The following RFTN1 variants were observed in gnomAD, a reference collection of about 807,000 sequenced individuals.
The protein encoded by RFTN1 is raftlin.
RFTN1 carries 26 observed loss-of-function variants against 46.5 expected under a neutral mutation model. That is an observed-to-expected ratio of 0.56 (90% confidence interval 0.41 to 0.78). The LOEUF is 0.78. Among genes scored for constraint, RFTN1 ranks in the 30% least tolerant of loss-of-function variants. RFTN1 has a pLI of 0.00. For missense variants in RFTN1, 693 were observed against 718.7 expected (o/e 0.96, Z 0.41); for synonymous variants, 261 against 284.2 (o/e 0.92, Z 0.82).
chr3:16,319,495 T>C (rs1167206030), intron 9 of RFTN1, among the ~76,000 whole-genome samples: 1 of 152,224 alleles, frequency 6.6e-6, no homozygotes, highest in Non-Finnish European at 1.5e-5. Context: ...CCCATTCATA[T>C]TGTATTTGAT....
chr3:16,338,902 A>C lies in RFTN1; in HGVS notation c.1147-12026T>G, dbSNP rs1202286462. ...GGAATTCTAGAACCCAAAACTGTCAACGTTGTCCCCTCCACCTGTCAGCAG... is the reference window on the plus strand; with the variant it reads ...GGAATTCTAGAACCCAAAACTGTCACCGTTGTCCCCTCCACCTGTCAGCAG... On this transcript the variant is annotated intron_variant, in intron 7 of 9. Transcript: ENST00000334133. This position sits in a 1 kb window ranked among gnomAD's most constrained non-coding sequence, Gnocchi z 5.3. 1.3e-5 allele frequency among the ~76,000 whole-genome samples: 2 copies of C among 152,224 alleles called. No individual in the cohort carries two copies. The highest frequency in any genetic ancestry group is 1.5e-5 in the Non-Finnish European group (1 of 68,042).
At chr3:16,494,116 A>G (rs1022973402) in intron 1 of RFTN1, among the ~76,000 whole-genome samples, 1 of 152,162 alleles carries the variant, frequency 6.6e-6, no homozygotes, top group Admixed American at 6.5e-5. Flanking sequence ...TTTTTAAATG[A>G]CACCAAAAGC....
chr3:16,463,323 T>C (rs56010341), intron 2 of RFTN1, among the ~76,000 whole-genome samples: 26,874 of 152,070 alleles, frequency 0.18, 2,661 homozygotes, highest in East Asian at 0.26. Flanking sequence ...CTTAGACTTT[T>C]CACTGTGCCC....
intron 7 of RFTN1, chr3:16,347,754 CATTTT>C (rs1174603166): frequency 6.6e-6 from 1 of 152,188 alleles, no homozygotes; most frequent in Non-Finnish European, 1.5e-5. Flanking sequence ...GCACTGTAAG[CATTTT>C]GTTTAAAATT....
rs1163671893 is a variant in RFTN1 at position 16,446,618 on chromosome 3, G to A, written c.146-12581C>T. ...TGATATGACAACAAAAGCAAAGGAA[G>A]AATGTAAAAATTTCACTTTGTAAAG... On this transcript the variant is annotated intron_variant, in intron 2 of 9. Transcript: ENST00000334133. The surrounding 1 kb of genome is among the most constrained non-coding windows in gnomAD (Gnocchi z 4.5). 6.6e-6 allele frequency among the ~76,000 whole-genome samples: 1 copy of A among 152,094 alleles called. No homozygotes were observed. The highest frequency in any genetic ancestry group is 1.5e-5 in the Non-Finnish European group (1 of 68,014).
chr3:16,443,875 G>C lies in RFTN1; in HGVS notation c.146-9838C>G, dbSNP rs2075677770. 6.6e-6 allele frequency among the ~76,000 whole-genome samples: 1 copy of C among 151,928 alleles called. No homozygotes were observed. The highest frequency in any genetic ancestry group is 1.5e-5 in the Non-Finnish European group (1 of 68,004). ...CTGCATCCATTAATAAAACTCAGAA[G>C]ATGGCATTATTGTTCACCTCACCAG... On this transcript the variant is annotated intron_variant, in intron 2 of 9. Coordinates refer to ENST00000334133, the MANE Select transcript of RFTN1 (RefSeq NM_015150.2). The surrounding 1 kb of genome is among the most constrained non-coding windows in gnomAD (Gnocchi z 5.5).
At chr3:16,408,945 G>A (rs564273560) in intron 4 of RFTN1, among the ~76,000 whole-genome samples, 156 of 152,286 alleles carry the variant, frequency 1.0e-3, no homozygotes, top group African/African-American at 3.6e-3. Flanking sequence ...CTGCAACTAC[G>A]CAGTTTTCCC....
chr3:16,347,786 T>G (rs2071833602), intron 7 of RFTN1: 1 of 152,238 alleles, frequency 6.6e-6, no homozygotes, highest in African/African-American at 2.4e-5. Context: ...AAGCCTCCAA[T>G]AACTTTTATC....
rs374158983 is a variant in RFTN1 at position 16,512,428 on chromosome 3, A to ATTTTTTTT, written c.-9+1013_-9+1014insAAAAAAAA. Among the ~76,000 whole-genome samples, 3 of 150,122 alleles carry ATTTTTTTT rather than the reference A, an allele frequency of 2.0e-5. No individual in the cohort carries two copies. The highest frequency in any genetic ancestry group is 7.4e-5 in the African/African-American group (3 of 40,546). The stretch of plus-strand genomic sequence containing the variant: ...AGATTGAGCCAGACTTTTTTTTTAA[A>ATTTTTTTT]AAAGTACTTCTTGTTTGTTTGTTTT... On this transcript the variant is annotated intron_variant, in intron 1 of 9. Transcript: ENST00000334133. This position sits in a 1 kb window ranked among gnomAD's most constrained non-coding sequence, Gnocchi z 4.3.
In RFTN1 at chr3:16,338,170, CAGAA is replaced by C. The variant is rs1258574887; in HGVS notation, c.1147-11298_1147-11295del. ...TCTCTAACGTCAGTTACTTGGAAGG[CAGAA>C]AGAAGAAAGGGGCTACGGGATGGAA... is the stretch of plus-strand genomic sequence containing the variant. On this transcript the variant is annotated intron_variant, in intron 7 of 9. Coordinates refer to ENST00000334133, the MANE Select transcript of RFTN1 (RefSeq NM_015150.2). This position sits in a 1 kb window ranked among gnomAD's most constrained non-coding sequence, Gnocchi z 5.3. Among the ~76,000 whole-genome samples the C allele has an allele frequency of 1.3e-5, 2 of 152,216 alleles. No homozygotes were observed. Among genetic ancestry groups the C allele is most frequent in the Admixed American group, 6.5e-5 (1 of 15,278 alleles).
intron 2 of RFTN1, among the ~76,000 whole-genome samples, chr3:16,477,343 C>T (rs1272756234): frequency 6.6e-6 from 1 of 152,134 alleles, no homozygotes; most frequent in East Asian, 1.9e-4. Context: ...CAATTGAATG[C>T]AATTTTATTT....
intron 4 of RFTN1, among the ~76,000 whole-genome samples, chr3:16,401,321 TAAAAAAA>T (rs56312811): frequency 1.4e-5 from 2 of 145,412 alleles, no homozygotes; most frequent in African/African-American, 2.5e-5. Flanking sequence ...GAAGCCGTGT[TAAAAAAA>T]AAAAAAAAAA....
Position 16,381,000 on chromosome 3 carries a change from A to C in RFTN1, c.442-2898T>G, listed in dbSNP as rs2073973464. On this transcript the variant is annotated intron_variant, in intron 4 of 9. Coordinates refer to ENST00000334133, the MANE Select transcript of RFTN1 (RefSeq NM_015150.2). The surrounding 1 kb of genome is among the most constrained non-coding windows in gnomAD (Gnocchi z 4.8). ...TAAGCCCCTACACTGGTCCAGGCCA[A>C]CACGGTGCTTAGGTACCAGGAATGT... 6.6e-6 allele frequency among the ~76,000 whole-genome samples: 1 copy of C among 152,234 alleles called. No individual in the cohort carries two copies. Among genetic ancestry groups the C allele is most frequent in the Non-Finnish European group, 1.5e-5 (1 of 68,040 alleles).
chr3:16,350,795 G>T (rs1023107300), intron 7 of RFTN1, among the ~76,000 whole-genome samples: 3 of 152,184 alleles, frequency 2.0e-5, no homozygotes, highest in African/African-American at 7.2e-5. Context: ...GCAGAGAACT[G>T]CTGTCTTTGG....
chr3:16,405,070 C>T (rs2125439763), intron 4 of RFTN1, among the ~76,000 whole-genome samples: 1 of 152,236 alleles, frequency 6.6e-6, no homozygotes, highest in East Asian at 1.9e-4. Context: ...CATGAATGAA[C>T]AGCAATTTGA....
In RFTN1 at chr3:16,513,031, CT is replaced by C; in HGVS notation, c.-9+410del. The stretch of plus-strand genomic sequence containing the variant: ...ACTCCGCGACCAGCTCCCTCCTGTT[CT>C]TTTCCGAGGACCCCAGCGGCAGTGT... On this transcript the variant is annotated intron_variant, in intron 1 of 9. Transcript: ENST00000334133. This position sits in a 1 kb window ranked among gnomAD's most constrained non-coding sequence, Gnocchi z 5.4. 6.5e-6 allele frequency: 1 copy of C among 152,714 alleles called. No homozygotes were observed. The highest frequency in any genetic ancestry group is 1.5e-5 in the Non-Finnish European group (1 of 68,400). 9.5% of individuals were successfully genotyped at this position (152,714 alleles called of 1,614,324 possible).
At chr3:16,398,274 GA>G (rs1387765388) in intron 4 of RFTN1, among the ~76,000 whole-genome samples, 2 of 111,066 alleles carry the variant, frequency 1.8e-5, no homozygotes, top group African/African-American at 6.0e-5. Context: ...AAAAAAAAAA[GA>G]AGCATCATGA....
intron 4 of RFTN1, among the ~76,000 whole-genome samples, chr3:16,379,387 G>A (rs1310309138): frequency 6.6e-6 from 1 of 152,238 alleles, no homozygotes; most frequent in Non-Finnish European, 1.5e-5. Flanking sequence ...GTCTACTGTA[G>A]ACCTACTATG....
At chr3:16,467,020 T>G (rs748752140) in intron 2 of RFTN1, among the ~76,000 whole-genome samples, 6 of 152,156 alleles carry the variant, frequency 3.9e-5, no homozygotes, top group Non-Finnish European at 8.8e-5. Context: ...AATTCTTATC[T>G]TGTCAGTGTG....
Sources: gnomAD v4.1 joint callset for allele counts (sites outside exome capture counted in the v4.1 genomes callset) on GRCh38, gnomAD v4.1.1 for gene constraint, Gnocchi (gnomAD v3.1) non-coding constraint, MANE v1.5 for transcripts, NCBI Gene and HGNC (gene_info 2026-07-23, HGNC 2026-07-21) for gene names.